STAG1: variants seen among roughly 807,000 people sequenced by gnomAD.
STAG1 encodes cohesin subunit SA-1.
STAG1 carries 26 observed loss-of-function variants against 170.9 expected under a neutral mutation model. That is an observed-to-expected ratio of 0.15 (90% CI 0.11 to 0.21). The LOEUF (loss-of-function observed/expected upper bound fraction) is 0.21, where lower values mean the gene tolerates loss of function less well. Ranked by LOEUF, STAG1 falls within the 10% of genes least tolerant of loss-of-function variation. The pLI is 1.00. For synonymous variants in STAG1, 514 were observed against 497.7 expected (o/e 1.03, Z -0.44); for missense variants, 964 against 1,509.5 (o/e 0.64, Z 5.99).
chr3:136,683,682 G>C (rs1436730323), intron 1 of STAG1, among the ~76,000 whole-genome samples: 1 of 152,050 alleles, frequency 6.6e-6, no homozygotes, highest in African/African-American at 2.4e-5. Flanking sequence ...CAATGTAATG[G>C]AAGTCTTAGC....
At chr3:136,582,999 G>A (rs893586843) in intron 4 of STAG1, among the ~76,000 whole-genome samples, 2 of 152,018 alleles carry the variant, frequency 1.3e-5, no homozygotes, top group Admixed American at 6.6e-5. Context: ...AGAATTTTTA[G>A]ACCCATTCTG....
intron 5 of STAG1, among the ~76,000 whole-genome samples, chr3:136,551,988 T>A (rs1443186466): frequency 6.6e-6 from 1 of 152,146 alleles, no homozygotes; most frequent in African/African-American, 2.4e-5. Flanking sequence ...TCCAATCTCT[T>A]ATTTTATAAT....
At chr3:136,600,174 G>A (rs1192244149) in intron 4 of STAG1, among the ~76,000 whole-genome samples, 1 of 152,156 alleles carries the variant, frequency 6.6e-6, no homozygotes, top group African/African-American at 2.4e-5. Context: ...GAATATTAAA[G>A]GAGCCTCTAT....
chr3:136,505,730 A>T (rs1933724711), intron 7 of STAG1, among the ~76,000 whole-genome samples: 2 of 152,212 alleles, frequency 1.3e-5, no homozygotes, highest in African/African-American at 4.8e-5. Flanking sequence ...ACAATAAATG[A>T]ATAGGTAATA....
At chr3:136,707,036 A>G (rs1420833111) in intron 1 of STAG1, among the ~76,000 whole-genome samples, 1 of 152,202 alleles carries the variant, frequency 6.6e-6, no homozygotes, top group African/African-American at 2.4e-5. Flanking sequence ...ACCTCACGCC[A>G]TACTAAAAAT....
At chr3:136,721,627 C>T (rs1431162799) in intron 1 of STAG1, 3 of 152,170 alleles carry the variant, frequency 2.0e-5, no homozygotes, top group African/African-American at 4.8e-5. Flanking sequence ...CGGTGACTCT[C>T]GCCTGTAATC....
At chr3:136,701,585 C>A (rs1019226271) in intron 1 of STAG1, among the ~76,000 whole-genome samples, 2 of 152,044 alleles carry the variant, frequency 1.3e-5, no homozygotes, top group South Asian at 2.1e-4. Context: ...AGCCGGTATG[C>A]CCCCCGGATG....
chr3:136,602,696 C>T (rs1392263134), intron 4 of STAG1, among the ~76,000 whole-genome samples: 2 of 151,816 alleles, frequency 1.3e-5, no homozygotes, highest in Non-Finnish European at 2.9e-5. Context: ...ACTAAAAATA[C>T]AAAAATTAGC....
intron 5 of STAG1, 102 bp from the exon 6 acceptor site, chr3:136,542,297 T>A: frequency 1.2e-6 from 1 of 814,806 alleles, no homozygotes; most frequent in Non-Finnish European, 2.0e-6. Flanking sequence ...CCCAAAAGAA[T>A]AACCTTCCAA....
At chr3:136,654,458 T>C (rs562239192) in intron 1 of STAG1, among the ~76,000 whole-genome samples, 1 of 152,310 alleles carries the variant, frequency 6.6e-6, no homozygotes, top group Admixed American at 6.5e-5. Flanking sequence ...TGTAGTACAC[T>C]GAAAACATGG....
intron 6 of STAG1, among the ~76,000 whole-genome samples, chr3:136,526,210 A>G (rs571212646): frequency 4.9e-4 from 75 of 152,284 alleles, no homozygotes; most frequent in Non-Finnish European, 3.2e-4. Flanking sequence ...AAAGCCTCTC[A>G]TAATTATTGT....
chr3:136,488,313 G>C lies in STAG1; in HGVS notation c.903-10901C>G, dbSNP rs147039772. ...AATTTTTGTATTTTTAGTAGAAACAGGGTTTCGCCATGTTAGCCAGGCTGG... is the reference window on the plus strand; with the variant it reads ...AATTTTTGTATTTTTAGTAGAAACACGGTTTCGCCATGTTAGCCAGGCTGG... On this transcript the variant is annotated intron_variant, in intron 9 of 33. Transcript: ENST00000383202. 6.8e-4 allele frequency among the ~76,000 whole-genome samples: 103 copies of C among 152,268 alleles called. No homozygotes were observed. The East Asian group carries it at 0.019, about 28-fold the overall frequency.
At chr3:136,416,827 A>G (rs756454712) in intron 21 of STAG1, among the ~76,000 whole-genome samples, 14 of 151,052 alleles carry the variant, frequency 9.3e-5, no homozygotes, top group Non-Finnish European at 1.8e-4. Context: ...ATAATAAAGT[A>G]CTGTTTTCAT....
intron 15 of STAG1, among the ~76,000 whole-genome samples, chr3:136,435,355 G>A (rs541625533): frequency 1.3e-5 from 2 of 152,254 alleles, no homozygotes; most frequent in African/African-American, 2.4e-5. Flanking sequence ...AATGCACTTA[G>A]CTAGCAGTAG....
intron 14 of STAG1, among the ~76,000 whole-genome samples, chr3:136,449,995 C>T (rs1319303143): frequency 2.0e-5 from 3 of 150,452 alleles, no homozygotes; most frequent in Admixed American, 6.6e-5. Flanking sequence ...CTCCTGGGCT[C>T]AAGGGATCCT....
chr3:136,656,111 T>C (rs1941361707), intron 1 of STAG1, among the ~76,000 whole-genome samples: 1 of 152,108 alleles, frequency 6.6e-6, no homozygotes, highest in South Asian at 2.1e-4. Flanking sequence ...ACAGATGTTA[T>C]GAATGAAACT....
intron 24 of STAG1, among the ~76,000 whole-genome samples, chr3:136,368,542 A>G (rs1202625189): frequency 1.3e-5 from 2 of 150,726 alleles, no homozygotes; most frequent in Non-Finnish European, 3.0e-5. Context: ...TAGAAACAAC[A>G]TCTATCCTAC....
At chr3:136,418,726 C>T (rs1474962174) in intron 20 of STAG1, among the ~76,000 whole-genome samples, 2 of 151,910 alleles carry the variant, frequency 1.3e-5, no homozygotes, top group Non-Finnish European at 2.9e-5. Context: ...ACTGCAACCT[C>T]CGCCTCCCGG....
intron 4 of STAG1, among the ~76,000 whole-genome samples, chr3:136,572,341 C>T (rs1370235573): frequency 3.9e-5 from 6 of 151,940 alleles, no homozygotes; most frequent in Non-Finnish European, 8.8e-5. Flanking sequence ...TTCCTGTAAA[C>T]CCTGCACTTT....
Sources: allele counts gnomAD v4.1 joint callset (sites outside exome capture counted in the v4.1 genomes callset), GRCh38; gene constraint gnomAD v4.1.1; transcripts MANE v1.5; gene names NCBI Gene and HGNC (gene_info 2026-07-23, HGNC 2026-07-21).